PPARGC1A: variants seen among roughly 807,000 people sequenced by gnomAD.
The protein encoded by PPARGC1A is peroxisome proliferator-activated receptor gamma coactivator 1-alpha.
In PPARGC1A, 25 loss-of-function variants were observed where a neutral mutation model predicts 88.7. That is an observed-to-expected ratio of 0.28 (90% CI 0.21 to 0.39). The LOEUF is 0.39. PPARGC1A is among the 10% of genes least tolerant of loss of function. The probability of loss-of-function intolerance (pLI) is 1.00; values close to 1 mark genes in which losing one functional copy is unlikely to be tolerated. For synonymous variants in PPARGC1A, 363 were observed against 355.6 expected, an observed-to-expected ratio of 1.02 and a Z score of -0.24; for missense variants, 880 against 968.7, an observed-to-expected ratio of 0.91 and a Z score of 1.22.
At chr4:24,468,381 G>C in the PPARGC1A span, among the ~76,000 whole-genome samples, 1 of 152,148 alleles carries the variant, frequency 6.6e-6, no homozygotes, top group Admixed American at 6.5e-5. Context: ...ACTTTAACTG[G>C]GGGTTTCATT....
chr4:24,027,581 G>C, the PPARGC1A span, among the ~76,000 whole-genome samples: 7 of 152,168 alleles, frequency 4.6e-5, no homozygotes, highest in East Asian at 1.4e-3. Context: ...TTTACCCTGG[G>C]CTCAACCTGT....
chr4:23,834,462 A>G (rs967317504), intron 2 of PPARGC1A, among the ~76,000 whole-genome samples: 1 of 148,850 alleles, frequency 6.7e-6, no homozygotes, highest in Non-Finnish European at 1.5e-5. Flanking sequence ...GCACTCCAGT[A>G]TGGGTGACAG....
At chr4:24,039,559 G>C in the PPARGC1A span, among the ~76,000 whole-genome samples, 1 of 152,198 alleles carries the variant, frequency 6.6e-6, no homozygotes, top group African/African-American at 2.4e-5. Flanking sequence ...AAAATGCAAA[G>C]GGAGGTCTCA....
the PPARGC1A span, among the ~76,000 whole-genome samples, chr4:24,000,500 A>AGCAC: frequency 8.0e-5 from 7 of 87,124 alleles, no homozygotes; most frequent in African/African-American, 2.9e-4. Context: ...ACATCTTAAA[A>AGCAC]ATGCAGCAGG....
At chr4:24,360,821 A>T in the PPARGC1A span, among the ~76,000 whole-genome samples, 1 of 152,222 alleles carries the variant, frequency 6.6e-6, no homozygotes, top group Non-Finnish European at 1.5e-5. Context: ...AGTTTTGCTC[A>T]TCTATATGAT....
intron 12 of PPARGC1A, among the ~76,000 whole-genome samples, chr4:23,797,820 C>A (rs1358702226): frequency 6.6e-6 from 1 of 152,140 alleles, no homozygotes; most frequent in African/African-American, 2.4e-5. Flanking sequence ...TATTGGAGCA[C>A]AGTAAGATAT....
chr4:24,356,942 A>C, the PPARGC1A span, among the ~76,000 whole-genome samples: 1 of 152,130 alleles, frequency 6.6e-6, no homozygotes, highest in Non-Finnish European at 1.5e-5. Flanking sequence ...AAGCTAAGAC[A>C]CTCTCTGCTT....
rs1731194673 is a variant in PPARGC1A, at chr4:23,861,340, A to G, written c.234+23412T>C. The stretch of plus-strand genomic sequence containing the variant: ...CCAGACCCAGCCCAGAAGCTGCTCA[A>G]CAGCTCATGTTACCCAGGTAATTTT... On this transcript the variant is annotated intron_variant, in intron 2 of 12. Coordinates refer to ENST00000264867, the MANE Select transcript of PPARGC1A (RefSeq NM_013261.5). 3.9e-5 allele frequency among the ~76,000 whole-genome samples: 6 copies of G among 152,370 alleles called. No individual in the cohort carries two copies. The South Asian group carries it at 1.2e-3, about 32-fold the overall frequency.
the PPARGC1A span, among the ~76,000 whole-genome samples, chr4:24,336,740 G>GT: frequency 3.0e-3 from 462 of 151,576 alleles, 18 homozygotes; most frequent in East Asian, 0.065. Flanking sequence ...CTGGCTTTTT[G>GT]TTTTTTTTCC....
At chr4:24,008,860 A>ATTATTC in the PPARGC1A span, among the ~76,000 whole-genome samples, 1 of 152,186 alleles carries the variant, frequency 6.6e-6, no homozygotes, top group African/African-American at 2.4e-5. Context: ...CTAACTGAAG[A>ATTATTC]TGTTATTATT....
At chr4:23,984,323 T>A in the PPARGC1A span, among the ~76,000 whole-genome samples, 2 of 152,098 alleles carry the variant, frequency 1.3e-5, no homozygotes, top group African/African-American at 4.8e-5. Context: ...CTAAACTCTA[T>A]GCTTGTTTGA....
At chr4:24,393,428 C>T in the PPARGC1A span, among the ~76,000 whole-genome samples, 1 of 152,182 alleles carries the variant, frequency 6.6e-6, no homozygotes, top group Non-Finnish European at 1.5e-5. Flanking sequence ...ATGAATATAG[C>T]CCTGTGATAA....
the PPARGC1A span, among the ~76,000 whole-genome samples, chr4:24,387,746 AAGAGAGAGAGAG>A: frequency 1.1e-3 from 70 of 61,166 alleles, 1 homozygote; most frequent in African/African-American, 4.8e-3. Context: ...GAAAGAAAGA[AAGAGAGAGAGAG>A]AGAGAGAGAG....
chr4:24,339,439 T>C, the PPARGC1A span, among the ~76,000 whole-genome samples: 2 of 151,906 alleles, frequency 1.3e-5, no homozygotes, highest in African/African-American at 4.8e-5. Context: ...CAGGAATTCA[T>C]CACCTTTTTC....
At chr4:24,232,283 G>A in the PPARGC1A span, among the ~76,000 whole-genome samples, 24 of 151,902 alleles carry the variant, frequency 1.6e-4, no homozygotes, top group South Asian at 6.2e-4. Context: ...AAGTAACCCC[G>A]CGAAATCACA....
At chr4:24,349,268 G>A in the PPARGC1A span, among the ~76,000 whole-genome samples, 4 of 152,152 alleles carry the variant, frequency 2.6e-5, no homozygotes, top group Non-Finnish European at 5.9e-5. Flanking sequence ...TTTTTGTGCT[G>A]GTTGGCCTCC....
At chr4:24,445,552 C>T in the PPARGC1A span, among the ~76,000 whole-genome samples, 1 of 152,122 alleles carries the variant, frequency 6.6e-6, no homozygotes, top group East Asian at 1.9e-4. Flanking sequence ...TTCCAAACCT[C>T]TCAGGAAACA....
At chr4:24,272,193 G>A in the PPARGC1A span, among the ~76,000 whole-genome samples, 16 of 152,214 alleles carry the variant, frequency 1.1e-4, no homozygotes, top group Non-Finnish European at 2.2e-4. Context: ...TTTAGCTCAC[G>A]TGGGATATGA....
At chr4:24,354,659 T>G in the PPARGC1A span, among the ~76,000 whole-genome samples, 58,825 of 151,822 alleles carry the variant, frequency 0.39, 11,704 homozygotes, top group African/African-American at 0.41. Context: ...GGCCAAGGCG[T>G]GTGGATCATG....
Sources: gnomAD v4.1 joint callset for allele counts (sites outside exome capture counted in the v4.1 genomes callset) on GRCh38, gnomAD v4.1.1 for gene constraint, MANE v1.5 for transcripts, NCBI Gene and HGNC (gene_info 2026-07-23, HGNC 2026-07-21) for gene names.